Variants in TENM3 observed in about 807,000 individuals in gnomAD.
The protein encoded by TENM3 is teneurin transmembrane protein 3.
TENM3 carries 63 observed loss-of-function variants against 255.1 expected under a neutral mutation model. That is an observed-to-expected ratio of 0.25 (90% confidence interval 0.20 to 0.30). The LOEUF is 0.30. Ranked by LOEUF, TENM3 falls within the 10% of genes least tolerant of loss-of-function variation. TENM3 has a pLI of 1.00. For synonymous variants in TENM3, 1,306 were observed against 1,322.3 expected (o/e 0.99, Z 0.27); for missense variants, 2,929 against 3,461.1 (o/e 0.85, Z 3.86).
In TENM3 at chr4:182,281,511, T is replaced by G. The variant is rs139565736; in HGVS notation, c.-76+38035T>G. On this transcript the variant is annotated intron_variant, in intron 1 of 27. Transcript: ENST00000511685. ...GGAGCAGAAACCAAGTTTTTTGTTG[T>G]TGGTGGTGGTGGTGGTGGTTTTTTT... Among the ~76,000 whole-genome samples the G allele has an allele frequency of 9.5e-3, 1,445 of 152,114 alleles. 25 individuals carry two copies. The highest frequency in any genetic ancestry group is 0.033 in the African/African-American group (1,354 of 41,490).
In TENM3 at chr4:182,352,104, C is replaced by G. The variant is rs181677664; in HGVS notation, c.511+5175C>G. ...ATAGATATCTCCTCCTCCCCTCCCC[C>G]ACTCCTCCTTCCTTACCCCACCCCA... On this transcript the variant is annotated intron_variant, in intron 3 of 27. Coordinates refer to ENST00000511685, the MANE Select transcript of TENM3 (RefSeq NM_001080477.4). Among the ~76,000 whole-genome samples, 31 of 152,046 alleles carry G rather than the reference C, an allele frequency of 2.0e-4. No homozygotes were observed. In the East Asian group the frequency reaches 5.4e-3, roughly 27 times the overall value.
At chr4:182,451,318 A>G (rs1222908822) in intron 3 of TENM3, among the ~76,000 whole-genome samples, 1 of 152,166 alleles carries the variant, frequency 6.6e-6, no homozygotes, top group Non-Finnish European at 1.5e-5. Context: ...AAGAAAAGCG[A>G]CTTCACATGG....
At position 182,772,710 on chromosome 4, in the gene TENM3, A is replaced by C. The variant is rs138979273; in HGVS notation, c.4893-762A>C. 5.8e-3 allele frequency: 878 copies of C among 152,260 alleles called. 10 individuals are homozygous for C. The highest frequency in any genetic ancestry group is 0.02 in the African/African-American group (814 of 41,538). 9.4% of individuals were successfully genotyped at this position (152,260 alleles called of 1,614,324 possible). A position where few individuals can be genotyped will look rare whatever the true frequency, so the allele number is the denominator to read the frequency against. ...AACAGCTTTTAAAATGTATTTTAAC[A>C]CTCAAATTATAAGTTACTCTTGTAT... On this transcript the variant is annotated intron_variant, in intron 22 of 27. Coordinates refer to ENST00000511685, the MANE Select transcript of TENM3 (RefSeq NM_001080477.4).
the TENM3 span, among the ~76,000 whole-genome samples, chr4:181,490,225 G>A: frequency 1.2e-4 from 19 of 152,038 alleles, no homozygotes; most frequent in African/African-American, 2.9e-4. Flanking sequence ...TTAACTATAC[G>A]CACCCTATTG....
chr4:182,701,581 A>G (rs1243546258), intron 12 of TENM3, among the ~76,000 whole-genome samples: 1 of 152,118 alleles, frequency 6.6e-6, no homozygotes, highest in Admixed American at 6.5e-5. Flanking sequence ...AATCCACTGC[A>G]ATACATTGGT....
chr4:182,031,328 T>C, the TENM3 span, among the ~76,000 whole-genome samples: 1 of 152,342 alleles, frequency 6.6e-6, no homozygotes, highest in East Asian at 1.9e-4. Flanking sequence ...CTCCATTATT[T>C]GTTTTTATCA....
intron 1 of TENM3, chr4:182,145,318 T>C (rs982128412): frequency 6.6e-6 from 1 of 152,244 alleles, no homozygotes; most frequent in South Asian, 2.1e-4. Context: ...TGGGGAGTGG[T>C]GGATCACGGC....
At chr4:181,688,232 G>C in the TENM3 span, among the ~76,000 whole-genome samples, 2 of 152,068 alleles carry the variant, frequency 1.3e-5, no homozygotes, top group East Asian at 1.9e-4. Flanking sequence ...CCAGAGCAAA[G>C]GTATTCATTA....
chr4:182,413,846 A>G (rs1770182255), intron 3 of TENM3, among the ~76,000 whole-genome samples: 1 of 152,316 alleles, frequency 6.6e-6, no homozygotes, highest in Admixed American at 6.5e-5. Flanking sequence ...AGGGGTGCAG[A>G]TCCAAGACAG....
At chr4:182,087,487 C>T in the TENM3 span, among the ~76,000 whole-genome samples, 1 of 152,114 alleles carries the variant, frequency 6.6e-6, no homozygotes, top group Non-Finnish European at 1.5e-5. Flanking sequence ...GAATCAGGAG[C>T]ATCAGAACTA....
At chr4:181,808,662 A>C in the TENM3 span, among the ~76,000 whole-genome samples, 1 of 152,218 alleles carries the variant, frequency 6.6e-6, no homozygotes, top group African/African-American at 2.4e-5. Flanking sequence ...ATTGCATGTG[A>C]AAATGGGATA....
rs1345704222 is a variant in TENM3, at chr4:182,650,897, T to A, written c.989-2874T>A. The stretch of plus-strand genomic sequence containing the variant: ...TTTCTGTAATAAAAAAAAATATATA[T>A]ATATATATATATATATATATATATA... On this transcript the variant is annotated intron_variant, in intron 5 of 27. Transcript: ENST00000511685. 4.5e-3 allele frequency among the ~76,000 whole-genome samples: 54 copies of A among 12,030 alleles called. 1 individual carries two copies. The highest frequency in any genetic ancestry group is 0.028 in the African/African-American group (40 of 1,446). 7.9% of individuals were successfully genotyped at this position (12,030 alleles called of 152,430 possible). A position where few individuals can be genotyped will look rare whatever the true frequency, so the allele number is the denominator to read the frequency against.
At chr4:182,776,655 T>C (rs1764713265) in intron 24 of TENM3, among the ~76,000 whole-genome samples, 1 of 152,146 alleles carries the variant, frequency 6.6e-6, no homozygotes, top group Non-Finnish European at 1.5e-5. Flanking sequence ...TTTGTAATAC[T>C]GCTTTGCAAG....
At chr4:182,752,945 T>G (rs1762476023) in intron 20 of TENM3, among the ~76,000 whole-genome samples, 1 of 147,274 alleles carries the variant, frequency 6.8e-6, no homozygotes, top group Admixed American at 6.8e-5. Context: ...TTACTGAATT[T>G]TTTTTTTTTT....
the TENM3 span, among the ~76,000 whole-genome samples, chr4:181,525,544 A>G: frequency 6.6e-6 from 1 of 152,130 alleles, no homozygotes; most frequent in African/African-American, 2.4e-5. Context: ...GTAGACCTCA[A>G]TTGTGTATCA....
chr4:182,680,019 T>C (rs1033766663), intron 8 of TENM3, 143 bp downstream of exon 8: 1 of 796,046 alleles, frequency 1.3e-6, no homozygotes, highest in Non-Finnish European at 2.0e-6. Context: ...TTTAAACCTT[T>C]ATTTGGGAAT....
At chr4:181,514,283 T>A in the TENM3 span, among the ~76,000 whole-genome samples, 6 of 152,188 alleles carry the variant, frequency 3.9e-5, no homozygotes, top group South Asian at 4.2e-4. Context: ...AAAAAGTTTT[T>A]AAAAAAAATT....
At chr4:182,712,658 C>T (rs1364129067) in intron 12 of TENM3, among the ~76,000 whole-genome samples, 1 of 151,978 alleles carries the variant, frequency 6.6e-6, no homozygotes, top group East Asian at 1.9e-4. Context: ...TGTCTCTTGG[C>T]GATATTTTCT....
At chr4:181,821,900 A>G in the TENM3 span, among the ~76,000 whole-genome samples, 18 of 152,334 alleles carry the variant, frequency 1.2e-4, no homozygotes, top group Non-Finnish European at 2.1e-4. Context: ...GTACAAGGCA[A>G]CAATAGATCA....
Sources: gnomAD v4.1 joint callset for allele counts (sites outside exome capture counted in the v4.1 genomes callset) on GRCh38, gnomAD v4.1.1 for gene constraint, MANE v1.5 for transcripts, NCBI Gene and HGNC (gene_info 2026-07-23, HGNC 2026-07-21) for gene names.